PCDHA3: variants seen among roughly 807,000 people sequenced by gnomAD.
PCDHA3 encodes the protein protocadherin alpha-3.
PCDHA3 carries 41 observed loss-of-function variants against 62.2 expected under a neutral mutation model. The observed-to-expected ratio is 0.66, with a 90% CI of 0.51 to 0.86. The LOEUF (loss-of-function observed/expected upper bound fraction) is 0.86, where lower values mean the gene tolerates loss of function less well. Ranked by LOEUF, PCDHA3 falls within the 40% of genes least tolerant of loss-of-function variation. PCDHA3 has a pLI of 0.00. For synonymous variants in PCDHA3, 640 were observed against 555.4 expected, an observed-to-expected ratio of 1.15 and a Z score of -2.14; for missense variants, 1,304 against 1,241.2, an observed-to-expected ratio of 1.05 and a Z score of -0.76.
intron 1 of PCDHA3, chr5:140,967,285 G>A (rs150694611): frequency 1.9e-6 from 3 of 1,613,058 alleles, no homozygotes; most frequent in East Asian, 2.2e-5. Context: ...AGAGTGCGCA[G>A]GACCCCGACG....
At chr5:140,887,692 A>G (rs886236141) in intron 1 of PCDHA3, among the ~76,000 whole-genome samples, 1 of 152,126 alleles carries the variant, frequency 6.6e-6, no homozygotes, top group Non-Finnish European at 1.5e-5. Flanking sequence ...ATTCAGGAAA[A>G]AATCAACCAT....
chr5:140,823,320 G>C, intron 1 of PCDHA3: 1 of 1,612,290 alleles, frequency 6.2e-7, no homozygotes, highest in Non-Finnish European at 8.5e-7. Flanking sequence ...AGAGCGGCAA[G>C]GTGTACGCGC....
At chr5:140,891,698 T>C (rs2063212804) in intron 1 of PCDHA3, among the ~76,000 whole-genome samples, 1 of 152,258 alleles carries the variant, frequency 6.6e-6, no homozygotes, top group Non-Finnish European at 1.5e-5. Context: ...TGCTGTTGTC[T>C]GAATTTGTAC....
intron 1 of PCDHA3, among the ~76,000 whole-genome samples, chr5:140,898,428 A>G (rs1554187988): frequency 2.6e-5 from 4 of 152,132 alleles, no homozygotes; most frequent in Non-Finnish European, 5.9e-5. Flanking sequence ...TTTTCCCAGC[A>G]CCATTTATTA....
chr5:140,942,115 A>T (rs1440934670), intron 1 of PCDHA3, among the ~76,000 whole-genome samples: 2 of 152,232 alleles, frequency 1.3e-5, no homozygotes, highest in Non-Finnish European at 2.9e-5. Flanking sequence ...ATCAAACTTT[A>T]TTAAAGGTGA....
At chr5:140,935,291 C>T (rs1221872941) in intron 1 of PCDHA3, among the ~76,000 whole-genome samples, 4 of 152,100 alleles carry the variant, frequency 2.6e-5, no homozygotes, top group East Asian at 1.9e-4. Context: ...TTCAGCACTC[C>T]GAGGTTTTTA....
At chr5:141,004,362 C>T (rs1357216048) in intron 3 of PCDHA3, among the ~76,000 whole-genome samples, 1 of 152,186 alleles carries the variant, frequency 6.6e-6, no homozygotes, top group Non-Finnish European at 1.5e-5. Flanking sequence ...AGAGACCACA[C>T]CTTGTTCTGC....
chr5:140,961,338 G>C (rs1554225370), intron 1 of PCDHA3, among the ~76,000 whole-genome samples: 1 of 152,170 alleles, frequency 6.6e-6, no homozygotes, highest in Non-Finnish European at 1.5e-5. Flanking sequence ...GAGACCAAGA[G>C]TGGATCCCTG....
chr5:140,870,689 T>G (rs1349209235), intron 1 of PCDHA3: 1 of 1,612,838 alleles, frequency 6.2e-7, no homozygotes. Context: ...GAGCTGGAGC[T>G]GCTACAGTTC....
At chr5:140,980,837 A>T (rs1189348118) in intron 2 of PCDHA3, among the ~76,000 whole-genome samples, 1 of 152,160 alleles carries the variant, frequency 6.6e-6, no homozygotes, top group Non-Finnish European at 1.5e-5. Context: ...TGTGAACCTA[A>T]ATAATACTAA....
rs372773080 is a variant in PCDHA3, at chr5:140,803,361, C to A, written c.2164C>A (p.Arg722=). 2 of 1,614,076 alleles carry A rather than the reference C, an allele frequency of 1.2e-6. No homozygotes were observed. The highest frequency in any genetic ancestry group is 1.7e-5 in the Admixed American group (1 of 60,016). Residue 722 remains arginine (R), a synonymous_variant, in exon 1 of 4, where the codon CGG becomes AGG. Coordinates refer to ENST00000522353, the MANE Select transcript of PCDHA3 (RefSeq NM_018906.3). The part of the protein sequence containing the change: ...VLTLLLYTAL[R]CSAPPTEGDC... The stretch of plus-strand genomic sequence containing the variant: ...CACACTGCTGCTATATACTGCTCTG[C>A]GGTGCTCCGCGCCGCCAACCGAAGG...
chr5:140,836,612 C>T (rs2150265551), intron 1 of PCDHA3: 9 of 1,613,516 alleles, frequency 5.6e-6, no homozygotes, highest in East Asian at 2.2e-5. Flanking sequence ...TGTGCTCCAG[C>T]GCGGTGGGGA....
intron 1 of PCDHA3, among the ~76,000 whole-genome samples, chr5:140,970,004 G>A (rs1322154107): frequency 6.6e-6 from 1 of 152,200 alleles, no homozygotes; most frequent in Non-Finnish European, 1.5e-5. Context: ...CAGAGGGAGT[G>A]GATGATGGTG....
intron 1 of PCDHA3, among the ~76,000 whole-genome samples, chr5:140,837,823 G>A (rs1554136656): frequency 1.3e-5 from 2 of 151,542 alleles, no homozygotes; most frequent in Admixed American, 1.3e-4. Flanking sequence ...AATACAGTTT[G>A]CATGTCATTG....
At position 140,841,125 on chromosome 5, in the gene PCDHA3, C is replaced by T. The variant is rs2150311446; in HGVS notation, c.2394+37534C>T. 38 of 651,618 alleles carry T rather than the reference C, an allele frequency of 5.8e-5. No individual in the cohort carries two copies. In the African/African-American group the frequency reaches 6.2e-4, roughly 11 times the overall value. 40.4% of individuals were successfully genotyped at this position (651,618 alleles called of 1,614,324 possible). A position where few individuals can be genotyped will look rare whatever the true frequency, so the allele number is the denominator to read the frequency against. ...GCGGAAGTAATTCATGTAATCATTACCTTTTGAAGCCACATGATGTCGCTG... is the reference window on the plus strand; with the variant it reads ...GCGGAAGTAATTCATGTAATCATTATCTTTTGAAGCCACATGATGTCGCTG... On this transcript the variant is annotated intron_variant, in intron 1 of 3. Transcript: ENST00000522353.
chr5:140,884,628 G>A (rs2153405760), intron 1 of PCDHA3: 3 of 1,612,722 alleles, frequency 1.9e-6, no homozygotes, highest in Non-Finnish European at 2.5e-6. Context: ...GAGGGAACAG[G>A]CCAGAGGGAG....
At chr5:140,831,986 C>T (rs2150198716) in intron 1 of PCDHA3, among the ~76,000 whole-genome samples, 20 of 152,252 alleles carry the variant, frequency 1.3e-4, no homozygotes, top group African/African-American at 3.9e-4. Context: ...ACTCTCATTA[C>T]GGATTCCATA....
chr5:140,969,075 A>G, intron 1 of PCDHA3: 1 of 1,614,184 alleles, frequency 6.2e-7, no homozygotes, highest in Non-Finnish European at 8.5e-7. Flanking sequence ...AGGATACCGC[A>G]TGGCCTCAAA....
At chr5:140,838,340 T>G (rs1451086818) in intron 1 of PCDHA3, among the ~76,000 whole-genome samples, 1 of 149,952 alleles carries the variant, frequency 6.7e-6, no homozygotes, top group Non-Finnish European at 1.5e-5. Context: ...CCCCGGCTGG[T>G]CTCGAAATCT....
Sources: allele counts gnomAD v4.1 joint callset (sites outside exome capture counted in the v4.1 genomes callset), GRCh38; gene constraint gnomAD v4.1.1; transcripts MANE v1.5; gene names NCBI Gene and HGNC (gene_info 2026-07-23, HGNC 2026-07-21).